Variants in TANC1 observed in about 807,000 individuals in gnomAD.
TANC1 encodes protein TANC1.
TANC1 carries 77 observed loss-of-function variants against 149.7 expected under a neutral mutation model. That is an observed-to-expected ratio of 0.51 (90% CI 0.43 to 0.62). The LOEUF (loss-of-function observed/expected upper bound fraction) is 0.62, where lower values mean the gene tolerates loss of function less well. Ranked by LOEUF, TANC1 falls within the 20% of genes least tolerant of loss-of-function variation. The probability of loss-of-function intolerance (pLI) is 0.00; values close to 1 mark genes in which losing one functional copy is unlikely to be tolerated. For synonymous variants in TANC1, 854 were observed against 925.0 expected (o/e 0.92, Z 1.39); for missense variants, 1,985 against 2,321.8 (o/e 0.85, Z 2.98).
Position 159,196,576 on chromosome 2 carries a change from C to T in TANC1, c.2980-32C>T, listed in dbSNP as rs777436814. 2.9e-5 allele frequency: 45 copies of T among 1,560,272 alleles called. No homozygotes were observed. In the Admixed American group the frequency reaches 7.7e-4, roughly 27 times the overall value. On this transcript the variant is annotated intron_variant, in intron 17 of 26. Transcript: ENST00000263635. ...GCATGCTCAGAGGCAAAGTAATGCT[C>T]AGCTGTAACCTTCCCCTACTCCTGC...
At chr2:158,980,283 C>CT (rs1024159152) in intron 1 of TANC1, among the ~76,000 whole-genome samples, 71 of 145,950 alleles carry the variant, frequency 4.9e-4, no homozygotes, top group South Asian at 4.1e-3. Flanking sequence ...ATTGTAGAAA[C>CT]TTTTTTTTTT....
intron 3 of TANC1, among the ~76,000 whole-genome samples, chr2:159,093,168 A>G (rs2045724764): frequency 6.6e-6 from 1 of 152,352 alleles, no homozygotes; most frequent in South Asian, 2.1e-4. Flanking sequence ...GAGAGGTTGC[A>G]TCGTCCTACC....
At chr2:159,187,766 T>G (rs999567373) in intron 16 of TANC1, among the ~76,000 whole-genome samples, 2 of 152,240 alleles carry the variant, frequency 1.3e-5, no homozygotes, top group African/African-American at 4.8e-5. Flanking sequence ...TTGTTTCATC[T>G]TTCATTTCAG....
intron 4 of TANC1, 82 bp from the exon 5 acceptor site, chr2:159,136,102 ATTTGGGTCCT>A: frequency 1.3e-6 from 1 of 751,800 alleles, no homozygotes; most frequent in South Asian, 1.5e-5. Context: ...CTCTAGGCAT[ATTTGGGTCCT>A]GGTAAGGACA....
chr2:159,116,376 G>A (rs1005623931), intron 4 of TANC1, among the ~76,000 whole-genome samples: 4 of 151,654 alleles, frequency 2.6e-5, no homozygotes, highest in African/African-American at 7.3e-5. Context: ...GCAGTTAGCC[G>A]AGATTGTACC....
intron 2 of TANC1, among the ~76,000 whole-genome samples, chr2:159,019,403 A>T (rs747251912): frequency 3.9e-5 from 6 of 152,186 alleles, no homozygotes; most frequent in Non-Finnish European, 8.8e-5. Context: ...AGAAATCCTT[A>T]TTTATGTGTA....
Position 159,171,871 on chromosome 2 carries a change from A to AAAAAAAAAAAAAAAAG in TANC1, c.1352-246_1352-245insAAAAAAAAAAAGAAAA, listed in dbSNP as rs70994272. Among the ~76,000 whole-genome samples, 7 of 105,598 alleles carry AAAAAAAAAAAAAAAAG rather than the reference A, an allele frequency of 6.6e-5. 1 individual carries two copies. The highest frequency in any genetic ancestry group is 1.1e-4 in the Admixed American group (1 of 9,278). The allele number at this position is 105,598 out of a possible 152,430, so 69.3% of individuals were successfully genotyped here. A position where few individuals can be genotyped will look rare whatever the true frequency, so the allele number is the denominator to read the frequency against. On this transcript the variant is annotated intron_variant, in intron 10 of 26. Transcript: ENST00000263635. ...GACTCCGCCTTAAAAAAAAAAAAAA[A>AAAAAAAAAAAAAAAAG]AAAAGAAAAAGAAAAAAAAAATTTA...
chr2:159,173,369 G>A (rs910743240), intron 11 of TANC1, among the ~76,000 whole-genome samples: 4 of 152,296 alleles, frequency 2.6e-5, no homozygotes, highest in Admixed American at 6.5e-5. Flanking sequence ...TTGGGAGGCC[G>A]AGGCGTACAG....
At chr2:159,075,541 A>G (rs1015329421) in intron 3 of TANC1, among the ~76,000 whole-genome samples, 1 of 152,212 alleles carries the variant, frequency 6.6e-6, no homozygotes, top group Middle Eastern at 3.4e-3. Flanking sequence ...ACACCATCAC[A>G]CTCCAGCCCA....
chr2:159,210,444 A>G (rs2058907745), intron 19 of TANC1, among the ~76,000 whole-genome samples: 1 of 152,190 alleles, frequency 6.6e-6, no homozygotes, highest in African/African-American at 2.4e-5. Flanking sequence ...TGCAAATCAA[A>G]TCTTTTCCCA....
At chr2:159,091,523 T>G (rs1175319982) in intron 3 of TANC1, among the ~76,000 whole-genome samples, 3 of 152,344 alleles carry the variant, frequency 2.0e-5, no homozygotes, top group African/African-American at 7.2e-5. Context: ...AAAGGAAAAC[T>G]TTGACAATTA....
rs72951444 is a variant in TANC1, at chr2:159,147,139, C to T, written c.365-2003C>T. On this transcript the variant is annotated intron_variant, in intron 5 of 26. Coordinates refer to ENST00000263635, the MANE Select transcript of TANC1 (RefSeq NM_033394.3). ...TGAATTCTGTGGAGCCAAGCTCCTG[C>T]AGCTGCTCTCTCTGCCTCCACGGCA... Among the ~76,000 whole-genome samples the T allele has an allele frequency of 2.2e-3, 336 of 152,276 alleles. 1 individual carries two copies. The highest frequency in any genetic ancestry group is 3.2e-3 in the Non-Finnish European group (217 of 67,990).
At chr2:159,056,913 A>T in intron 2 of TANC1, 1 of 242,694 alleles carries the variant, frequency 4.1e-6, no homozygotes. Flanking sequence ...TCCGTGAACT[A>T]CAGGAGCAGG....
chr2:159,174,737 C>T (rs1257199146), intron 11 of TANC1, among the ~76,000 whole-genome samples: 3 of 152,116 alleles, frequency 2.0e-5, no homozygotes, highest in Non-Finnish European at 2.9e-5. Flanking sequence ...TTATGCTAAT[C>T]AAGATGGCTT....
chr2:159,113,239 T>C, intron 4 of TANC1, among the ~76,000 whole-genome samples: 1 of 152,136 alleles, frequency 6.6e-6, no homozygotes, highest in African/African-American at 2.4e-5. Flanking sequence ...ATTATGGGCA[T>C]GAGAAGTTTA....
intron 14 of TANC1, among the ~76,000 whole-genome samples, chr2:159,181,129 A>G (rs916466623): frequency 6.6e-6 from 1 of 152,104 alleles, no homozygotes; most frequent in Non-Finnish European, 1.5e-5. Context: ...ATGATATACC[A>G]ATCTTCTTTT....
At chr2:159,042,676 T>C (rs264608) in intron 2 of TANC1, among the ~76,000 whole-genome samples, 105,036 of 151,562 alleles carry the variant, frequency 0.69, 36,594 homozygotes, top group Non-Finnish European at 0.74. Flanking sequence ...TGGGGGGTGG[T>C]GTGGGCATGC....
At chr2:158,983,106 A>G (rs2034558693) in intron 1 of TANC1, among the ~76,000 whole-genome samples, 1 of 152,176 alleles carries the variant, frequency 6.6e-6, no homozygotes, top group Non-Finnish European at 1.5e-5. Context: ...CCTATATGAA[A>G]TGTTTTGAGC....
intron 2 of TANC1, chr2:159,056,883 A>G (rs75391114): frequency 0.039 from 11,139 of 288,934 alleles, 662 homozygotes; most frequent in East Asian, 0.17. Flanking sequence ...CATGTGTACC[A>G]TTTCTCCTCA....
Sources: allele counts gnomAD v4.1 joint callset (sites outside exome capture counted in the v4.1 genomes callset), GRCh38; gene constraint gnomAD v4.1.1; transcripts MANE v1.5; gene names NCBI Gene and HGNC (gene_info 2026-07-23, HGNC 2026-07-21).